Variants in NUBPL observed in about 807,000 individuals in gnomAD.
NUBPL encodes the protein iron-sulfur cluster transfer protein NUBPL.
Under a neutral mutation model 45.7 loss-of-function variants are expected in NUBPL, and 31 were observed. The observed-to-expected ratio is 0.68, with a 90% confidence interval of 0.51 to 0.92. The LOEUF (loss-of-function observed/expected upper bound fraction) is 0.92, where lower values mean the gene tolerates loss of function less well. NUBPL is among the 40% of genes least tolerant of loss of function. The pLI is 0.00. For missense variants in NUBPL, 401 were observed against 398.7 expected, an observed-to-expected ratio of 1.01 and a Z score of -0.05; for synonymous variants, 144 against 140.9, an observed-to-expected ratio of 1.02 and a Z score of -0.15.
chr14:31,855,101 T>C (rs1430782851), intron 10 of NUBPL, among the ~76,000 whole-genome samples: 2 of 139,754 alleles, frequency 1.4e-5, no homozygotes, highest in East Asian at 4.1e-4. Flanking sequence ...CTAATGTAGA[T>C]AAATACTAAA....
intron 6 of NUBPL, among the ~76,000 whole-genome samples, chr14:31,765,027 A>G (rs1455312609): frequency 6.6e-6 from 1 of 152,190 alleles, no homozygotes; most frequent in Non-Finnish European, 1.5e-5. Flanking sequence ...TCACTAGGAC[A>G]CCTACATATT....
At chr14:31,832,550 A>G (rs2040209740) in intron 8 of NUBPL, among the ~76,000 whole-genome samples, 1 of 152,196 alleles carries the variant, frequency 6.6e-6, no homozygotes, top group South Asian at 2.1e-4. Flanking sequence ...AGTGTTTGTC[A>G]AGGAAGAAAC....
At chr14:31,654,623 A>G (rs1279713147) in intron 4 of NUBPL, among the ~76,000 whole-genome samples, 3 of 151,886 alleles carry the variant, frequency 2.0e-5, no homozygotes, top group Admixed American at 1.3e-4. Context: ...GTTAGCCAGG[A>G]TGGTCTCAAT....
intron 6 of NUBPL, among the ~76,000 whole-genome samples, chr14:31,729,275 T>TCCCCC (rs369958143): frequency 2.2e-4 from 12 of 55,592 alleles, no homozygotes; most frequent in Non-Finnish European, 3.6e-4. Flanking sequence ...AGATGCTCCA[T>TCCCCC]CCCCCCCCCC....
At chr14:31,561,797 AG>A in intron 1 of NUBPL, 1 of 585,858 alleles carries the variant, frequency 1.7e-6, no homozygotes, top group Non-Finnish European at 3.0e-6. Flanking sequence ...ATTGAAGAAA[AG>A]CAAAACACGT....
intron 8 of NUBPL, among the ~76,000 whole-genome samples, chr14:31,838,242 A>G (rs1043161283): frequency 6.7e-6 from 1 of 149,598 alleles, no homozygotes; most frequent in African/African-American, 2.5e-5. Context: ...TTGCTTCTTT[A>G]ACGTATTAAG....
intron 4 of NUBPL, among the ~76,000 whole-genome samples, chr14:31,651,028 G>T (rs959901342): frequency 3.0e-4 from 45 of 152,182 alleles, no homozygotes; most frequent in African/African-American, 9.6e-4. Flanking sequence ...GCACAACCCA[G>T]ACACCTCTCA....
rs936465320 is a variant in NUBPL, at chr14:31,629,119, T to C, written c.382+29740T>C. Among the ~76,000 whole-genome samples, 3 of 152,242 alleles carry C rather than the reference T, an allele frequency of 2.0e-5. No homozygotes were observed. The East Asian group carries it at 5.8e-4, about 29-fold the overall frequency. On this transcript the variant is annotated intron_variant, in intron 4 of 10. Transcript: ENST00000281081. ...CCCTCTTGGATCATCTGAAAGATTCTTGGGGATCTCCAGAGAGAAAGGGCC... is the reference window on the plus strand; with the variant it reads ...CCCTCTTGGATCATCTGAAAGATTCCTGGGGATCTCCAGAGAGAAAGGGCC...
rs1387203622 is a variant in NUBPL, at chr14:31,846,532, A to C, written c.755A>C (p.His252Pro). 1 of 1,613,510 alleles carries C rather than the reference A, an allele frequency of 6.2e-7. No homozygotes were observed. Among genetic ancestry groups the C allele is most frequent in the Non-Finnish European group, 8.5e-7 (1 of 1,179,758 alleles). Residue 252 changes from histidine to proline, a missense_variant, in exon 9 of 11, where the codon CAT becomes CCT. His to Pro is a moderately conservative substitution (Grantham distance 77, BLOSUM62 -2). Coordinates refer to ENST00000281081, the MANE Select transcript of NUBPL (RefSeq NM_025152.3). ...TGTCCAAAATGTAAACACAAAACTC[A>C]TATTTTTGGTGCTGATGGTGCAAGG... ...FQCPKCKHKT[H>P]IFGADGARKL...
intron 6 of NUBPL, among the ~76,000 whole-genome samples, chr14:31,718,955 A>G (rs2037748053): frequency 6.6e-6 from 1 of 152,324 alleles, no homozygotes; most frequent in East Asian, 1.9e-4. Context: ...TGATGAAGTT[A>G]TGTCTCGATT....
At chr14:31,829,593 A>G (rs1387639160) in intron 8 of NUBPL, among the ~76,000 whole-genome samples, 1 of 152,186 alleles carries the variant, frequency 6.6e-6, no homozygotes, top group Non-Finnish European at 1.5e-5. Flanking sequence ...AAATACAAAA[A>G]AAGATGTTAT....
chr14:31,603,341 A>G (rs1038089489), intron 4 of NUBPL, among the ~76,000 whole-genome samples: 8 of 151,798 alleles, frequency 5.3e-5, no homozygotes, highest in African/African-American at 1.9e-4. Flanking sequence ...AAAGAAAAAA[A>G]GGAATTGGAA....
chr14:31,610,608 CAAAA>C (rs775656176), intron 4 of NUBPL, among the ~76,000 whole-genome samples: 44 of 94,660 alleles, frequency 4.6e-4, no homozygotes, highest in African/African-American at 1.8e-3. Flanking sequence ...AAAGATACAT[CAAAA>C]AAAAAAAAAA....
chr14:31,820,630 C>T (rs1176580701), intron 7 of NUBPL, among the ~76,000 whole-genome samples: 3 of 151,882 alleles, frequency 2.0e-5, no homozygotes, highest in Non-Finnish European at 4.4e-5. Flanking sequence ...TAGAGGCCAG[C>T]CCGACAAATA....
intron 7 of NUBPL, among the ~76,000 whole-genome samples, chr14:31,820,023 C>T (rs1201672094): frequency 6.6e-6 from 1 of 151,558 alleles, no homozygotes; most frequent in Admixed American, 6.6e-5. Flanking sequence ...GCCTGTAGTC[C>T]CAGCTACTCA....
chr14:31,640,171 C>A (rs1442385489), intron 4 of NUBPL, among the ~76,000 whole-genome samples: 1 of 152,228 alleles, frequency 6.6e-6, no homozygotes, highest in Non-Finnish European at 1.5e-5. Flanking sequence ...CACCTGTCTT[C>A]TGCATCGCTC....
At chr14:31,665,917 T>C (rs2139785167) in intron 4 of NUBPL, among the ~76,000 whole-genome samples, 1 of 152,198 alleles carries the variant, frequency 6.6e-6, no homozygotes, top group South Asian at 2.1e-4. Flanking sequence ...GGTGCTCCTG[T>C]ATTGGGTGCA....
At chr14:31,839,014 G>A (rs1206605870) in intron 8 of NUBPL, among the ~76,000 whole-genome samples, 5 of 151,950 alleles carry the variant, frequency 3.3e-5, no homozygotes, top group Non-Finnish European at 7.4e-5. Context: ...TTCCTCCCAA[G>A]GAACTCATTT....
intron 7 of NUBPL, among the ~76,000 whole-genome samples, chr14:31,807,649 T>G (rs538979254): frequency 9.9e-5 from 15 of 152,260 alleles, no homozygotes; most frequent in African/African-American, 2.6e-4. Flanking sequence ...TGTCAATTTT[T>G]CCTTTTGTTG....
Sources: allele counts gnomAD v4.1 joint callset (sites outside exome capture counted in the v4.1 genomes callset), GRCh38; gene constraint gnomAD v4.1.1; transcripts MANE v1.5; gene names NCBI Gene and HGNC (gene_info 2026-07-23, HGNC 2026-07-21).